The following MAGI3 variants were observed in gnomAD, a reference collection of about 807,000 sequenced individuals.
The protein encoded by MAGI3 is membrane associated guanylate kinase, WW and PDZ domain containing 3.
Under a neutral mutation model 121.8 loss-of-function variants are expected in MAGI3, and 43 were observed. The observed-to-expected ratio is 0.35, with a 90% confidence interval of 0.28 to 0.46. MAGI3 has a LOEUF of 0.46. MAGI3 is among the 20% of genes least tolerant of loss of function. The pLI is 1.00. For synonymous variants in MAGI3, 553 were observed against 639.3 expected (o/e 0.86, Z 2.04); for missense variants, 1,547 against 1,797.3 (o/e 0.86, Z 2.52).
intron 1 of MAGI3, among the ~76,000 whole-genome samples, chr1:113,429,407 G>A (rs1570663251): frequency 6.6e-6 from 1 of 152,336 alleles, no homozygotes; most frequent in East Asian, 1.9e-4. Flanking sequence ...ACTCCACAGG[G>A]TGGGAGTGGG....
intron 9 of MAGI3, among the ~76,000 whole-genome samples, chr1:113,623,817 T>G (rs1651036937): frequency 6.6e-6 from 1 of 152,034 alleles, no homozygotes; most frequent in Non-Finnish European, 1.5e-5. Context: ...TTATATTCCT[T>G]AACCATCTCC....
intron 2 of MAGI3, among the ~76,000 whole-genome samples, chr1:113,553,715 TA>T (rs1659874347): frequency 6.6e-6 from 1 of 152,138 alleles, no homozygotes. Context: ...CAACACTCTT[TA>T]AAGAAAGATA....
At chr1:113,629,768 C>T (rs1299026458) in intron 9 of MAGI3, among the ~76,000 whole-genome samples, 1 of 132,358 alleles carries the variant, frequency 7.6e-6, no homozygotes, top group Non-Finnish European at 1.6e-5. Context: ...CTCTCCCTCC[C>T]TCCCTCCCTC....
intron 2 of MAGI3, among the ~76,000 whole-genome samples, chr1:113,562,388 G>A (rs933014506): frequency 8.6e-5 from 13 of 151,974 alleles, no homozygotes; most frequent in African/African-American, 2.9e-4. Context: ...GGGAGACCGC[G>A]AGACTCCATC....
intron 1 of MAGI3, among the ~76,000 whole-genome samples, chr1:113,416,407 TA>T (rs371612939): frequency 1.3e-3 from 26 of 20,316 alleles, no homozygotes; most frequent in Non-Finnish European, 2.5e-3. Flanking sequence ...ATTAATTAAT[TA>T]ATAATTAATA....
chr1:113,408,359 G>A (rs982922030), intron 1 of MAGI3, among the ~76,000 whole-genome samples: 7 of 152,098 alleles, frequency 4.6e-5, no homozygotes, highest in Admixed American at 4.6e-4. Flanking sequence ...AGTGTGAAGG[G>A]CAAACAGATT....
chr1:113,596,050 TAATA>T (rs1648984399), intron 6 of MAGI3, among the ~76,000 whole-genome samples: 1 of 150,824 alleles, frequency 6.6e-6, no homozygotes, highest in South Asian at 2.1e-4. Flanking sequence ...ATACTAATAC[TAATA>T]CTAATAATAA....
Position 113,683,285 on chromosome 1 carries a change from T to G in MAGI3, c.3717T>G (p.Ile1239Met), listed in dbSNP as rs996005765. 1.9e-6 allele frequency: 3 copies of G among 1,612,526 alleles called. No individual in the cohort carries two copies. The highest frequency in any genetic ancestry group is 1.3e-5 in the African/African-American group (1 of 74,684). Reference protein sequence around the residue: ...SQHSEEHLDKIPSPLKNNPKR... With the variant: ...SQHSEEHLDKMPSPLKNNPKR... ...ATTCAGAGGAACATTTGGATAAGAT[T>G]CCTAGTCCTCTAAAAAATAACCCCA... is the stretch of plus-strand genomic sequence containing the variant. The change falls in exon 21 of 21, where the codon ATT becomes ATG. Residue 1239 changes from isoleucine (I) to methionine (M), a missense_variant. Transcript: ENST00000307546.
intron 1 of MAGI3, among the ~76,000 whole-genome samples, chr1:113,439,732 C>G (rs1433198338): frequency 6.6e-6 from 1 of 152,152 alleles, no homozygotes; most frequent in Non-Finnish European, 1.5e-5. Context: ...TTGTTTTAGA[C>G]ACAATGGAAT....
chr1:113,488,336 T>G (rs1276439549), intron 1 of MAGI3, among the ~76,000 whole-genome samples: 1 of 152,162 alleles, frequency 6.6e-6, no homozygotes, highest in African/African-American at 2.4e-5. Flanking sequence ...ATAGGAGTCT[T>G]TAGTGCTAGG....
At chr1:113,495,001 G>A (rs1333035072) in intron 1 of MAGI3, among the ~76,000 whole-genome samples, 2 of 152,086 alleles carry the variant, frequency 1.3e-5, no homozygotes, top group African/African-American at 4.8e-5. Context: ...ATACATTTAT[G>A]TTGGAAAAAT....
At chr1:113,511,592 G>A (rs1169810844) in intron 1 of MAGI3, among the ~76,000 whole-genome samples, 1 of 152,188 alleles carries the variant, frequency 6.6e-6, no homozygotes, top group Non-Finnish European at 1.5e-5. Flanking sequence ...CATTGGCTGG[G>A]TTTGGACCTC....
chr1:113,473,491 C>T (rs1319220826), intron 1 of MAGI3, among the ~76,000 whole-genome samples: 1 of 149,306 alleles, frequency 6.7e-6, no homozygotes, highest in Non-Finnish European at 1.5e-5. Context: ...GTTCAATTCC[C>T]ACCTATGAGT....
chr1:113,670,846 A>G (rs1216113228), intron 16 of MAGI3, among the ~76,000 whole-genome samples: 2 of 152,258 alleles, frequency 1.3e-5, no homozygotes, highest in African/African-American at 2.4e-5. Flanking sequence ...CAGCTAGTAA[A>G]TGATGCAATC....
At chr1:113,537,310 T>C (rs2101650042) in intron 1 of MAGI3, among the ~76,000 whole-genome samples, 1 of 152,324 alleles carries the variant, frequency 6.6e-6, no homozygotes, top group Non-Finnish European at 1.5e-5. Flanking sequence ...GGTGGCTTCA[T>C]TTGGCTCCCT....
At chr1:113,454,522 G>C (rs1654649414) in intron 1 of MAGI3, among the ~76,000 whole-genome samples, 2 of 151,962 alleles carry the variant, frequency 1.3e-5, no homozygotes, top group African/African-American at 4.8e-5. Flanking sequence ...TATACTTTAA[G>C]TTCTGGGATA....
chr1:113,466,618 G>A (rs926218177), intron 1 of MAGI3, among the ~76,000 whole-genome samples: 2 of 152,190 alleles, frequency 1.3e-5, no homozygotes, highest in East Asian at 1.9e-4. Flanking sequence ...ACTTTTCTTT[G>A]ATGGGAGACT....
chr1:113,591,742 T>C (rs1013073447), intron 5 of MAGI3, among the ~76,000 whole-genome samples: 5 of 152,158 alleles, frequency 3.3e-5, no homozygotes, highest in Non-Finnish European at 7.4e-5. Flanking sequence ...ATTTAGACTT[T>C]TGACTTTCAT....
chr1:113,513,306 A>C (rs1335204794), intron 1 of MAGI3, among the ~76,000 whole-genome samples: 2 of 152,080 alleles, frequency 1.3e-5, no homozygotes, highest in Non-Finnish European at 1.5e-5. Flanking sequence ...CAAAAAAAAG[A>C]CCACGTCGCC....
Sources: allele counts gnomAD v4.1 joint callset (sites outside exome capture counted in the v4.1 genomes callset), GRCh38; gene constraint gnomAD v4.1.1; transcripts MANE v1.5; gene names NCBI Gene and HGNC (gene_info 2026-07-23, HGNC 2026-07-21).